Variants in MBD5 observed in about 807,000 individuals in gnomAD.
MBD5 encodes methyl-CpG binding domain protein 5, also known as methyl-CpG-binding domain protein 5.
Under a neutral mutation model 117.3 loss-of-function variants are expected in MBD5, and 13 were observed. That is an observed-to-expected ratio of 0.11 (90% CI 0.07 to 0.18). MBD5 has a LOEUF of 0.18. MBD5 is among the 10% of genes least tolerant of loss of function. The probability of loss-of-function intolerance (pLI) is 1.00; values close to 1 mark genes in which losing one functional copy is unlikely to be tolerated. For missense variants in MBD5, 1,879 were observed against 2,093.8 expected (o/e 0.90, Z 2.00); for synonymous variants, 727 against 766.4 (o/e 0.95, Z 0.85).
chr2:148,194,657 G>T (rs1698922594), intron 2 of MBD5, among the ~76,000 whole-genome samples: 1 of 122,542 alleles, frequency 8.2e-6, no homozygotes, highest in East Asian at 2.6e-4. Context: ...TATACCTAAT[G>T]CTAGATGACA....
At chr2:148,428,554 A>G (rs1158271014) in intron 4 of MBD5, among the ~76,000 whole-genome samples, 6 of 152,204 alleles carry the variant, frequency 3.9e-5, no homozygotes, top group African/African-American at 1.4e-4. Context: ...CTAAGGAAAA[A>G]GAACAAAGCT....
At chr2:148,449,336 A>T (rs1464478626) in intron 4 of MBD5, among the ~76,000 whole-genome samples, 1 of 152,036 alleles carries the variant, frequency 6.6e-6, no homozygotes, top group Non-Finnish European at 1.5e-5. Context: ...CTCTGCCTCA[A>T]CTGCTTTTTC....
intron 8 of MBD5, chr2:148,471,793 T>G (rs1326227034): frequency 6.6e-6 from 1 of 152,074 alleles, no homozygotes; most frequent in Admixed American, 6.6e-5. Context: ...TCATAAAACT[T>G]TATGTTTTAT....
intron 1 of MBD5, among the ~76,000 whole-genome samples, chr2:148,036,902 T>C (rs1694209272): frequency 1.3e-5 from 2 of 152,052 alleles, no homozygotes; most frequent in African/African-American, 4.8e-5. Context: ...AACTCATAAG[T>C]TTAAGAAACT....
At chr2:148,163,567 C>T (rs1277488451) in intron 1 of MBD5, among the ~76,000 whole-genome samples, 1 of 152,058 alleles carries the variant, frequency 6.6e-6, no homozygotes, top group Admixed American at 6.6e-5. Flanking sequence ...AGGCATGTGA[C>T]ACCACGCCTG....
At chr2:148,341,097 A>G (rs772848112) in intron 3 of MBD5, among the ~76,000 whole-genome samples, 14 of 151,944 alleles carry the variant, frequency 9.2e-5, no homozygotes, top group Admixed American at 2.0e-4. Context: ...TATAGCTACA[A>G]TCTGTGTTTG....
chr2:148,092,828 AT>A (rs1175599463), intron 1 of MBD5, among the ~76,000 whole-genome samples: 5 of 135,452 alleles, frequency 3.7e-5, no homozygotes, highest in Non-Finnish European at 6.5e-5. Context: ...AAAAAAAAAA[AT>A]TTAAACAAAA....
intron 3 of MBD5, among the ~76,000 whole-genome samples, chr2:148,245,396 T>G (rs775282747): frequency 1.1e-4 from 16 of 152,174 alleles, no homozygotes; most frequent in Middle Eastern, 6.8e-3. Context: ...TGGCTAATGT[T>G]TTGTATTTTT....
chr2:148,075,902 A>T (rs1484357733), intron 1 of MBD5, among the ~76,000 whole-genome samples: 1 of 152,134 alleles, frequency 6.6e-6, no homozygotes, highest in African/African-American at 2.4e-5. Flanking sequence ...TTGGAATCGT[A>T]TCCAGTTTTT....
At chr2:148,082,023 G>C (rs143683252) in intron 1 of MBD5, among the ~76,000 whole-genome samples, 7 of 152,004 alleles carry the variant, frequency 4.6e-5, no homozygotes, top group Non-Finnish European at 1.0e-4. Context: ...GAATCATTCT[G>C]CTTCCATTCT....
At chr2:148,355,170 T>G (rs1421495852) in intron 4 of MBD5, among the ~76,000 whole-genome samples, 1 of 152,160 alleles carries the variant, frequency 6.6e-6, no homozygotes, top group Non-Finnish European at 1.5e-5. Flanking sequence ...ATGCTGGATA[T>G]TAGACCTTTG....
At chr2:148,227,939 G>A (rs984031146) in intron 2 of MBD5, among the ~76,000 whole-genome samples, 8 of 152,208 alleles carry the variant, frequency 5.3e-5, no homozygotes, top group Non-Finnish European at 1.0e-4. Flanking sequence ...AAGAATGCTT[G>A]TGATTTTTGC....
At chr2:148,426,362 G>C (rs971667223) in intron 4 of MBD5, among the ~76,000 whole-genome samples, 1 of 152,062 alleles carries the variant, frequency 6.6e-6, no homozygotes, top group African/African-American at 2.4e-5. Flanking sequence ...TAAGCCAAAA[G>C]AACAAAGCTG....
intron 7 of MBD5, 111 bp downstream of exon 7, chr2:148,464,030 T>G: frequency 9.2e-7 from 1 of 1,085,882 alleles, no homozygotes; most frequent in Non-Finnish European, 1.3e-6. Flanking sequence ...CGCACAATGC[T>G]TTTAAAATTC....
At chr2:148,168,604 C>T (rs1698183312) in intron 1 of MBD5, among the ~76,000 whole-genome samples, 1 of 152,072 alleles carries the variant, frequency 6.6e-6, no homozygotes. Flanking sequence ...AATAGCTGGA[C>T]ATGGTGGTAC....
chr2:148,023,274 T>C (rs534340812), intron 1 of MBD5, among the ~76,000 whole-genome samples: 1 of 152,274 alleles, frequency 6.6e-6, no homozygotes, highest in East Asian at 1.9e-4. Flanking sequence ...TATAAAGACA[T>C]GATAATACTT....
At chr2:148,185,097 T>A (rs1257092139) in intron 2 of MBD5, among the ~76,000 whole-genome samples, 4 of 152,192 alleles carry the variant, frequency 2.6e-5, no homozygotes, top group Non-Finnish European at 5.9e-5. Flanking sequence ...CCTGTAGATA[T>A]GGGAACTATA....
At chr2:148,273,503 C>G (rs1472908635) in intron 3 of MBD5, among the ~76,000 whole-genome samples, 1 of 152,092 alleles carries the variant, frequency 6.6e-6, no homozygotes, top group African/African-American at 2.4e-5. Flanking sequence ...CGAGCTGGCA[C>G]CACCCTGACC....
intron 8 of MBD5, among the ~76,000 whole-genome samples, chr2:148,473,160 G>T (rs1417481156): frequency 6.6e-6 from 1 of 152,154 alleles, no homozygotes; most frequent in Non-Finnish European, 1.5e-5. Context: ...TACTTCAGAT[G>T]AAAGTCAGTT....
Sources: gnomAD v4.1 joint callset for allele counts (sites outside exome capture counted in the v4.1 genomes callset) on GRCh38, gnomAD v4.1.1 for gene constraint, MANE v1.5 for transcripts, NCBI Gene and HGNC (gene_info 2026-07-23, HGNC 2026-07-21) for gene names.